The following PATZ1 variants were observed in gnomAD, a reference collection of about 807,000 sequenced individuals.
PATZ1 encodes POZ/BTB and AT hook containing zinc finger 1, also known as POZ-, AT hook-, and zinc finger-containing protein 1.
PATZ1 carries 9 observed loss-of-function variants against 46.2 expected under a neutral mutation model. The ratio of observed to expected loss-of-function variants is 0.19; its 90% CI spans 0.12 to 0.34. PATZ1 has a LOEUF of 0.34. Among genes scored for constraint, PATZ1 ranks in the 10% least tolerant of loss-of-function variants. The pLI, the probability that PATZ1 is intolerant of heterozygous loss-of-function variation, is 1.00. For missense variants in PATZ1, 632 were observed against 923.0 expected, an observed-to-expected ratio of 0.68 and a Z score of 4.08; for synonymous variants, 426 against 378.6, an observed-to-expected ratio of 1.13 and a Z score of -1.45.
chr22:31,331,188 T>C (rs989769180), intron 3 of PATZ1, among the ~76,000 whole-genome samples: 1 of 152,178 alleles, frequency 6.6e-6, no homozygotes, highest in Non-Finnish European at 1.5e-5. Flanking sequence ...GAGACAAGGC[T>C]AATGGGAAAG....
intron 3 of PATZ1, among the ~76,000 whole-genome samples, chr22:31,335,013 A>G (rs2049490367): frequency 6.6e-6 from 1 of 152,114 alleles, no homozygotes; most frequent in Admixed American, 6.6e-5. Context: ...AACATCTAGC[A>G]CTTCCAACAG....
intron 2 of PATZ1, chr22:31,340,646 A>T (rs1601494489): frequency 2.0e-6 from 2 of 1,009,192 alleles, no homozygotes; most frequent in East Asian, 1.3e-4. Context: ...GTTATGACAC[A>T]GACCAAGGAC....
intron 2 of PATZ1, chr22:31,341,782 C>T (rs2049586283): frequency 4.0e-6 from 4 of 998,514 alleles, no homozygotes; most frequent in South Asian, 3.2e-5. Context: ...CTAATCAGCA[C>T]ACTACCTGAG....
intron 2 of PATZ1, chr22:31,340,640 T>C (rs1189000073): frequency 9.9e-7 from 1 of 1,008,352 alleles, no homozygotes; most frequent in Non-Finnish European, 1.2e-6. Flanking sequence ...GTCAGTGTTA[T>C]GACACAGACC....
chr22:31,341,017 G>A (rs1202561487), intron 2 of PATZ1: 2 of 1,077,688 alleles, frequency 1.9e-6, no homozygotes, highest in South Asian at 4.4e-5. Flanking sequence ...GGGGAAAGGG[G>A]TGGCCAGGCC....
rs1244408678 is a variant in PATZ1 at position 31,345,557 on chromosome 22, T to C, written c.46A>G (p.Thr16Ala). The C allele has an allele frequency of 1.2e-6, 2 of 1,604,446 alleles. No homozygotes were observed. Among genetic ancestry groups the C allele is most frequent in the Non-Finnish European group, 1.7e-6 (2 of 1,173,044 alleles). ...GTGCTGTGTCTGCTCACCTGGTATG[T>C]GTAGCAGCCAGACGGGCCGCACGAA... ...DASCGPSGCY[T>A]YQVSRHSTEM... is the part of the protein sequence containing the mutation. The change falls in exon 1 of 5, where the codon ACA becomes GCA. Residue 16 changes from threonine (T) to alanine (A), a missense_variant. This residue lies in a region of PATZ1 where 30 missense variants were observed against 27.7 expected (regional missense o/e 1.08). Transcript: ENST00000266269. The surrounding 1 kb of genome is among the most constrained non-coding windows in gnomAD (Gnocchi z 7.4).
At chr22:31,341,313 C>A in intron 2 of PATZ1, 2 of 1,477,720 alleles carry the variant, frequency 1.4e-6, no homozygotes, top group Non-Finnish European at 1.8e-6. Flanking sequence ...TGGGCAGGAA[C>A]CACCCTGCTA....
intron 3 of PATZ1, among the ~76,000 whole-genome samples, chr22:31,333,567 C>T (rs2049472189): frequency 7.1e-6 from 1 of 141,290 alleles, no homozygotes; most frequent in South Asian, 2.4e-4. Context: ...CTGATAAAAA[C>T]TGCAATTGTT....
intron 1 of PATZ1, among the ~76,000 whole-genome samples, chr22:31,343,970 AAGTCGCTGGAGGAGCCC>A: frequency 6.6e-6 from 1 of 152,106 alleles, no homozygotes. Context: ...TCAAGCGGGG[AAGTCGCTGGAGGAGCCC>A]AGTCTCCCGC....
intron 3 of PATZ1, among the ~76,000 whole-genome samples, chr22:31,330,305 A>T (rs1165036999): frequency 6.6e-6 from 1 of 151,408 alleles, no homozygotes; most frequent in African/African-American, 2.4e-5. Flanking sequence ...TAAAGAAATA[A>T]GAGGCTTTGT....
chr22:31,341,892 G>T (rs1182376038), intron 2 of PATZ1, among the ~76,000 whole-genome samples: 1 of 152,180 alleles, frequency 6.6e-6, no homozygotes, highest in African/African-American at 2.4e-5. Context: ...ATCCTCCAGG[G>T]AGACTGCCTA....
Position 31,327,450 on chromosome 22 carries a change from G to T in PATZ1, c.1646-141C>A, listed in dbSNP as rs1195148681. ...ACTGCCCTGGCAGAACCCACGGAGG[G>T]TCAGCTGGTCAGTCTGGGAGCCTGG... On this transcript the variant is annotated intron_variant, in intron 4 of 4. Transcript: ENST00000266269. This position sits in a 1 kb window ranked among gnomAD's most constrained non-coding sequence, Gnocchi z 4.2. The T allele has an allele frequency of 2.9e-6, 2 of 683,736 alleles. No homozygotes were observed. Among genetic ancestry groups the T allele is most frequent in the Non-Finnish European group, 4.9e-6 (2 of 409,784 alleles). 42.4% of individuals were successfully genotyped at this position (683,736 alleles called of 1,614,324 possible).
intron 2 of PATZ1, chr22:31,340,636 G>A: frequency 1.0e-6 from 1 of 999,158 alleles, no homozygotes; most frequent in Non-Finnish European, 1.2e-6. Context: ...TGATGTCAGT[G>A]TTATGACACA....
rs997485686 is a variant in PATZ1, at chr22:31,327,851, T to C, written c.1646-542A>G. Among the ~76,000 whole-genome samples the C allele has an allele frequency of 6.6e-6, 1 of 152,186 alleles. No homozygotes were observed. The highest frequency in any genetic ancestry group is 2.4e-5 in the African/African-American group (1 of 41,444). ...AATCCTTTTCCTAATGCTGCAAACATAGCCCTGTCCTTACCGCCTTCCTTC... is the reference window on the plus strand; with the variant it reads ...AATCCTTTTCCTAATGCTGCAAACACAGCCCTGTCCTTACCGCCTTCCTTC... On this transcript the variant is annotated intron_variant, in intron 4 of 4. Transcript: ENST00000266269. The surrounding 1 kb of genome is among the most constrained non-coding windows in gnomAD (Gnocchi z 4.2).
At chr22:31,333,758 G>A (rs534412519) in intron 3 of PATZ1, among the ~76,000 whole-genome samples, 3 of 152,266 alleles carry the variant, frequency 2.0e-5, no homozygotes, top group South Asian at 4.1e-4. Context: ...TCTCCATTCC[G>A]GTCATGTAGC....
At position 31,345,101 on chromosome 22, in the gene PATZ1, C is replaced by T. The variant is rs745761343; in HGVS notation, c.502G>A (p.Ala168Thr). 13 of 1,614,082 alleles carry T rather than the reference C, an allele frequency of 8.1e-6. No homozygotes were observed. In the Admixed American group the frequency reaches 2.2e-4, roughly 27 times the overall value. Residue 168 changes from alanine (A) to threonine (T), a missense_variant, in exon 1 of 5, where the codon GCC becomes ACC. By Grantham distance (58) the Ala-to-Thr change is moderately conservative. Around this residue, in one of 7 missense-constraint regions of PATZ1, gnomAD observed 279 missense variants for 284.3 expected, o/e 0.98. Transcript: ENST00000266269. The surrounding 1 kb of genome is among the most constrained non-coding windows in gnomAD (Gnocchi z 7.4). ...CGAAAGAGCATTATATCGGCGCGGGCAGGGGGTACCAGGATCTGTACGTTG... is the reference window on the plus strand; with the variant it reads ...CGAAAGAGCATTATATCGGCGCGGGTAGGGGGTACCAGGATCTGTACGTTG... ...QSNVQILVPP[A>T]RADIMLFRPP... is the part of the protein sequence containing the mutation.
intron 1 of PATZ1, chr22:31,343,247 G>A: frequency 1.7e-6 from 2 of 1,167,520 alleles, no homozygotes; most frequent in Non-Finnish European, 2.1e-6. Context: ...TGTTTTCTAG[G>A]ACCAGAGGCG....
chr22:31,345,499 T>C lies in PATZ1; in HGVS notation c.104A>G (p.Lys35Arg). 1 of 1,613,354 alleles carries C rather than the reference T, an allele frequency of 6.2e-7. No individual in the cohort carries two copies. The highest frequency in any genetic ancestry group is 8.5e-7 in the Non-Finnish European group (1 of 1,179,902). The change falls in exon 1 of 5, where the codon AAA (lysine) becomes AGA (arginine). Residue 35 changes from lysine to arginine, a missense_variant. Around this residue, in one of 7 missense-constraint regions of PATZ1, gnomAD observed 19 missense variants for 71.4 expected, o/e 0.27. Transcript: ENST00000266269. The surrounding 1 kb of genome is among the most constrained non-coding windows in gnomAD (Gnocchi z 7.4). ...EMLHNLNQQRKNGGRFCDVLL... is the reference protein window; with the variant it reads ...EMLHNLNQQRRNGGRFCDVLL... ...CACGTCGCAGAAGCGCCCGCCGTTT[T>C]TGCGCTGCTGGTTCAGGTTGTGCAG...
At chr22:31,343,173 G>C in intron 1 of PATZ1, 1 of 1,300,524 alleles carries the variant, frequency 7.7e-7, no homozygotes, top group Non-Finnish European at 9.8e-7. Context: ...GGGGGGAAGA[G>C]AAATGGGCAT....
Sources: allele counts gnomAD v4.1 joint callset (sites outside exome capture counted in the v4.1 genomes callset), GRCh38; gene constraint gnomAD v4.1.1; regional missense constraint gnomAD v4.1.1; non-coding constraint Gnocchi (gnomAD v3.1); transcripts MANE v1.5; gene names NCBI Gene and HGNC (gene_info 2026-07-23, HGNC 2026-07-21).